Variants in ASCC3 observed in about 807,000 individuals in gnomAD.
ASCC3 encodes activating signal cointegrator 1 complex subunit 3.
A neutral mutation model predicts 256.3 loss-of-function variants in ASCC3; 158 were observed. The ratio of observed to expected loss-of-function variants is 0.62; its 90% CI spans 0.54 to 0.70. The LOEUF (loss-of-function observed/expected upper bound fraction) is 0.70, where lower values mean the gene tolerates loss of function less well. Among genes scored for constraint, ASCC3 ranks in the 30% least tolerant of loss-of-function variants. The probability of loss-of-function intolerance (pLI) is 0.00; values close to 1 mark genes in which losing one functional copy is unlikely to be tolerated. For synonymous variants in ASCC3, 948 were observed against 883.4 expected (o/e 1.07, Z -1.30); for missense variants, 2,259 against 2,626.0 (o/e 0.86, Z 3.05).
chr6:100,781,550 ATTTTT>A (rs11289263), intron 8 of ASCC3, among the ~76,000 whole-genome samples: 1 of 130,876 alleles, frequency 7.6e-6, no homozygotes, highest in African/African-American at 2.9e-5. Flanking sequence ...CGCCTGGCTA[ATTTTT>A]TTTTTTTTTT....
At chr6:100,790,462 T>C (rs1314254241) in intron 8 of ASCC3, among the ~76,000 whole-genome samples, 2 of 151,958 alleles carry the variant, frequency 1.3e-5, no homozygotes, top group African/African-American at 2.4e-5. Context: ...CCAATACATA[T>C]GTACTTTCAA....
At chr6:100,527,763 T>C (rs899236946) in intron 37 of ASCC3, among the ~76,000 whole-genome samples, 1 of 152,122 alleles carries the variant, frequency 6.6e-6, no homozygotes, top group Middle Eastern at 3.2e-3. Context: ...ATCTTCTTTT[T>C]CTTCCCTTAT....
intron 27 of ASCC3, 54 bp from the exon 28 acceptor site, chr6:100,628,041 T>A (rs747724289): frequency 6.3e-7 from 1 of 1,578,082 alleles, no homozygotes; most frequent in Non-Finnish European, 8.7e-7. Flanking sequence ...GTGTTGGTCA[T>A]TGCAGCAACC....
intron 3 of ASCC3, among the ~76,000 whole-genome samples, chr6:100,854,088 T>G (rs1291767123): frequency 6.6e-6 from 1 of 151,968 alleles, no homozygotes; most frequent in Non-Finnish European, 1.5e-5. Flanking sequence ...TTTCCTCAAT[T>G]TTACAGAAAA....
At chr6:100,699,716 A>G (rs2114996700) in intron 13 of ASCC3, among the ~76,000 whole-genome samples, 1 of 152,310 alleles carries the variant, frequency 6.6e-6, no homozygotes, top group South Asian at 2.1e-4. Context: ...GATTTGGGCA[A>G]TGAAATCTGG....
intron 34 of ASCC3, among the ~76,000 whole-genome samples, chr6:100,594,978 T>C (rs955596977): frequency 3.9e-5 from 6 of 152,070 alleles, no homozygotes; most frequent in African/African-American, 7.2e-5. Flanking sequence ...ATCTCACTTA[T>C]ATGTGGAACC....
intron 36 of ASCC3, among the ~76,000 whole-genome samples, chr6:100,582,317 G>T (rs969639270): frequency 4.6e-5 from 7 of 152,004 alleles, no homozygotes; most frequent in Non-Finnish European, 8.8e-5. Context: ...TTGTAAGTTG[G>T]ATTCCTAGGT....
chr6:100,646,884 T>C (rs1277805426), intron 21 of ASCC3, 115 bp from the exon 22 acceptor site: 3 of 1,088,612 alleles, frequency 2.8e-6, no homozygotes, highest in Non-Finnish European at 4.1e-6. Context: ...TATGATTTGC[T>C]ATGTAGAATA....
chr6:100,652,529 A>T (rs950021701), intron 18 of ASCC3, among the ~76,000 whole-genome samples, 196 bp downstream of exon 18: 7 of 152,104 alleles, frequency 4.6e-5, no homozygotes, highest in Admixed American at 4.6e-4. Context: ...CACTCATTGA[A>T]TAGGATGACA....
At chr6:100,601,302 A>T (rs982487217) in intron 34 of ASCC3, among the ~76,000 whole-genome samples, 1 of 152,092 alleles carries the variant, frequency 6.6e-6, no homozygotes, top group South Asian at 2.1e-4. Context: ...TCATTTTTAC[A>T]TCTCAGTGTT....
In ASCC3 at chr6:100,525,110, T is replaced by TG. The variant is rs572949092; in HGVS notation, c.5776-6969dup. 4.4e-4 allele frequency among the ~76,000 whole-genome samples: 56 copies of TG among 128,102 alleles called. 1 individual carries two copies. Among genetic ancestry groups the TG allele is most frequent in the Admixed American group, 3.2e-4 (3 of 9,508 alleles). The allele number at this position is 128,102 out of a possible 152,430, so 84.0% of individuals were successfully genotyped here. A position where few individuals can be genotyped will look rare whatever the true frequency, so the allele number is the denominator to read the frequency against. On this transcript the variant is annotated intron_variant, in intron 37 of 41. Coordinates refer to ENST00000369162, the MANE Select transcript of ASCC3 (RefSeq NM_006828.4). ...GAAGGATCGTTTGAGCCCAGGAGGTTGAGGCTACTATACTCCAGTGTGGGT... is the reference window on the plus strand; with the variant it reads ...GAAGGATCGTTTGAGCCCAGGAGGTTGGAGGCTACTATACTCCAGTGTGGGT...
chr6:100,783,416 T>C (rs1187284596), intron 8 of ASCC3, among the ~76,000 whole-genome samples: 1 of 152,186 alleles, frequency 6.6e-6, no homozygotes, highest in Non-Finnish European at 1.5e-5. Flanking sequence ...AGATCTGTTA[T>C]TAACTGCAAG....
intron 10 of ASCC3, among the ~76,000 whole-genome samples, chr6:100,736,078 A>G (rs1325048345): frequency 6.6e-6 from 1 of 152,242 alleles, no homozygotes. Flanking sequence ...GGTCTGACAC[A>G]TGGAACATAC....
chr6:100,765,348 C>T (rs1399412135), intron 10 of ASCC3, among the ~76,000 whole-genome samples: 1 of 152,136 alleles, frequency 6.6e-6, no homozygotes, highest in Non-Finnish European at 1.5e-5. Context: ...GGACATGCCT[C>T]ATTATACTCT....
In ASCC3 at chr6:100,685,282, G is replaced by A. The variant is rs1257914935; in HGVS notation, c.2152-5530C>T. ...GCTCTTGCAAAAGCTGAGGCTTGGG[G>A]TAGGGAGGGTCATGTCCTGGCAGTT... is the stretch of plus-strand genomic sequence containing the variant. On this transcript the variant is annotated intron_variant, in intron 13 of 41. Coordinates refer to ENST00000369162, the MANE Select transcript of ASCC3 (RefSeq NM_006828.4). 2.0e-5 allele frequency among the ~76,000 whole-genome samples: 3 copies of A among 152,210 alleles called. No homozygotes were observed. The East Asian group carries it at 5.8e-4, about 29-fold the overall frequency.
chr6:100,834,266 A>G (rs984133485), intron 4 of ASCC3, among the ~76,000 whole-genome samples: 6 of 152,254 alleles, frequency 3.9e-5, no homozygotes, highest in African/African-American at 4.8e-5. Context: ...CACATACAAT[A>G]AAAATGCTTA....
chr6:100,518,759 C>T (rs934124332), intron 37 of ASCC3, among the ~76,000 whole-genome samples: 4 of 152,072 alleles, frequency 2.6e-5, no homozygotes, highest in African/African-American at 9.7e-5. Context: ...GCTGCATTTG[C>T]TTAAGGCAAA....
At chr6:100,579,829 T>C (rs1458511995) in intron 36 of ASCC3, among the ~76,000 whole-genome samples, 5 of 152,130 alleles carry the variant, frequency 3.3e-5, no homozygotes, top group Non-Finnish European at 7.4e-5. Context: ...TGGATCCATA[T>C]AAAGTTTGAA....
At position 100,677,574 on chromosome 6, in the gene ASCC3, G is replaced by A. The variant is rs182012439; in HGVS notation, c.2286+2044C>T. Among the ~76,000 whole-genome samples, 113 of 152,112 alleles carry A rather than the reference G, an allele frequency of 7.4e-4. 4 individuals are homozygous for A. Among genetic ancestry groups the A allele is most frequent in the Admixed American group, 5.9e-4 (9 of 15,280 alleles). ...AAGAATCTTAAAGGACAGCACAATG[G>A]TACAGGTCAGATGAGAAAATTAAAG... On this transcript the variant is annotated intron_variant, in intron 14 of 41. Coordinates refer to ENST00000369162, the MANE Select transcript of ASCC3 (RefSeq NM_006828.4).
Sources: gnomAD v4.1 joint callset for allele counts (sites outside exome capture counted in the v4.1 genomes callset) on GRCh38, gnomAD v4.1.1 for gene constraint, MANE v1.5 for transcripts, NCBI Gene and HGNC (gene_info 2026-07-23, HGNC 2026-07-21) for gene names.